BBOF1: variants seen among roughly 807,000 people sequenced by gnomAD.
The protein encoded by BBOF1 is basal body orientation factor 1.
In BBOF1, 62 loss-of-function variants were observed where a neutral mutation model predicts 68.0. That is an observed-to-expected ratio of 0.91 (90% confidence interval 0.74 to 1.13). The LOEUF is 1.13. BBOF1 is among the 50% of genes most tolerant of loss of function. The pLI, the probability that BBOF1 is intolerant of heterozygous loss-of-function variation, is 0.00. For missense variants in BBOF1, 534 were observed against 600.1 expected, an observed-to-expected ratio of 0.89 and a Z score of 1.15; for synonymous variants, 208 against 198.8, an observed-to-expected ratio of 1.05 and a Z score of -0.39.
Position 74,047,947 on chromosome 14 carries a change from G to A in BBOF1, c.665G>A (p.Gly222Glu). 1 of 1,608,596 alleles carries A rather than the reference G, an allele frequency of 6.2e-7. No homozygotes were observed. The highest frequency in any genetic ancestry group is 1.1e-5 in the South Asian group (1 of 89,458). Reference protein sequence around the residue: ...HEAIVQLNDAGRNVFKENDYL... With the variant: ...HEAIVQLNDAERNVFKENDYL... The stretch of plus-strand genomic sequence containing the variant: ...TATTTCAGGCAATTGAACGATGCTG[G>A]AAGAAATGTTTTTAAAGAGAATGAT... The change falls in exon 7 of 12, where the codon GGA (glycine) becomes GAA (glutamate). Residue 222 changes from glycine to glutamate, a missense_variant. Gly to Glu is a moderately conservative substitution (Grantham distance 98, BLOSUM62 -2). Transcript: ENST00000394009.
At chr14:74,050,675 G>A (rs891098341) in intron 8 of BBOF1, among the ~76,000 whole-genome samples, 6 of 151,856 alleles carry the variant, frequency 4.0e-5, no homozygotes, top group African/African-American at 9.7e-5. Flanking sequence ...AATTACAGGC[G>A]TGAGCCACTG....
At chr14:74,037,439 C>T (rs141477209) in intron 4 of BBOF1, among the ~76,000 whole-genome samples, 2,007 of 150,466 alleles carry the variant, frequency 0.013, 46 homozygotes, top group African/African-American at 0.045. Flanking sequence ...ACTACAGGCA[C>T]GCACCATCAC....
intron 10 of BBOF1, among the ~76,000 whole-genome samples, chr14:74,079,285 T>C (rs2060646155): frequency 6.6e-6 from 1 of 151,148 alleles, no homozygotes; most frequent in African/African-American, 2.5e-5. Flanking sequence ...GAGACCTGCC[T>C]GCACTCAATG....
intron 9 of BBOF1, chr14:74,078,095 T>C (rs1470654633): frequency 2.3e-6 from 1 of 425,944 alleles, no homozygotes; most frequent in Non-Finnish European, 4.7e-6. Context: ...CACTTATTGT[T>C]TATTTTCACT....
At chr14:74,052,095 TTC>T (rs905348520) in intron 8 of BBOF1, among the ~76,000 whole-genome samples, 5 of 151,960 alleles carry the variant, frequency 3.3e-5, no homozygotes, top group African/African-American at 9.7e-5. Context: ...TTGCTGTAAT[TTC>T]TCTTTTTTAT....
chr14:74,045,837 T>C (rs2059936642), intron 5 of BBOF1, among the ~76,000 whole-genome samples: 1 of 152,166 alleles, frequency 6.6e-6, no homozygotes, highest in Admixed American at 6.6e-5. Context: ...TTTTCTCCCC[T>C]ATTTATATGT....
intron 5 of BBOF1, among the ~76,000 whole-genome samples, chr14:74,040,971 G>A (rs17095467): frequency 0.01 from 1,574 of 152,130 alleles, 32 homozygotes; most frequent in African/African-American, 0.036. Flanking sequence ...AATCACTCTC[G>A]TATGTGTGCA....
In BBOF1 at chr14:74,019,408, C is replaced by T. The variant is rs1456007817; in HGVS notation, c.-71C>T. On this transcript the variant is annotated 5_prime_UTR_variant, in exon 1 of 12. Transcript: ENST00000394009. ...ATTGCCAGCTCGGCGTCCCGGTTCCCTTGGAGACAGAGCTGGCCAGGGCGG... is the reference window on the plus strand; with the variant it reads ...ATTGCCAGCTCGGCGTCCCGGTTCCTTTGGAGACAGAGCTGGCCAGGGCGG... 4.5e-6 allele frequency: 7 copies of T among 1,547,712 alleles called. No homozygotes were observed. The Admixed American group carries it at 7.9e-5, about 17-fold the overall frequency.
intron 9 of BBOF1, chr14:74,071,745 C>T (rs2060552137): frequency 1.4e-6 from 2 of 1,439,566 alleles, no homozygotes; most frequent in African/African-American, 2.8e-5. Context: ...CTTAGGGATA[C>T]TGAATACTGC....
At chr14:74,035,563 G>A (rs1002522346) in intron 4 of BBOF1, among the ~76,000 whole-genome samples, 10 of 144,448 alleles carry the variant, frequency 6.9e-5, no homozygotes, top group African/African-American at 1.1e-4. Flanking sequence ...GATTACAGGC[G>A]TGCACCACCA....
At position 74,065,654 on chromosome 14, in the gene BBOF1, G is replaced by A; in HGVS notation, c.*955G>A. ...ATCATCAGCTGCCTTTTTAATACCT[G>A]AACGACTAGTTTCATCCAATTGTTA... On this transcript the variant is annotated 3_prime_UTR_variant, in exon 12 of 12. Transcript: ENST00000394009. The A allele has an allele frequency of 5.8e-6, 2 of 347,268 alleles. No homozygotes were observed. Among genetic ancestry groups the A allele is most frequent in the Admixed American group, 4.4e-5 (1 of 22,734 alleles). 21.5% of individuals were successfully genotyped at this position (347,268 alleles called of 1,614,324 possible).
chr14:74,040,729 C>G (rs1301440989), intron 5 of BBOF1, 84 bp downstream of exon 5: 36 of 754,684 alleles, frequency 4.8e-5, no homozygotes, highest in Non-Finnish European at 5.7e-5. Context: ...ATCAGCCTTC[C>G]ATTTGGTATC....
intron 10 of BBOF1, among the ~76,000 whole-genome samples, chr14:74,078,838 T>C (rs368405590): frequency 2.0e-5 from 3 of 151,920 alleles, no homozygotes; most frequent in East Asian, 3.9e-4. Flanking sequence ...CACATTTTTG[T>C]ATTTTTAGTA....
At chr14:74,069,850 C>CT (rs779619553), downstream of BBOF1, among the ~76,000 whole-genome samples, 6,553 of 122,446 alleles carry the variant, frequency 0.054, 699 homozygotes, top group African/African-American at 0.16. Context: ...CTAATCTAAC[C>CT]TTTTTTTTTT....
At chr14:74,066,826 C>G, downstream of BBOF1, 1 of 1,614,064 alleles carries the variant, frequency 6.2e-7, no homozygotes, top group Non-Finnish European at 8.5e-7. Context: ...AATCAGATTA[C>G]AGACTCGCTC....
At chr14:74,030,976 A>G (rs1013457072) in intron 3 of BBOF1, among the ~76,000 whole-genome samples, 35 of 151,394 alleles carry the variant, frequency 2.3e-4, no homozygotes, top group Admixed American at 1.3e-4. Flanking sequence ...GATTTTATAT[A>G]TATAGGTTAT....
At chr14:74,078,141 A>G (rs980356198) in intron 9 of BBOF1, 7 of 450,520 alleles carry the variant, frequency 1.6e-5, no homozygotes, top group Non-Finnish European at 2.2e-5. Flanking sequence ...AAAACTCCCA[A>G]TTCTACTAAT....
At chr14:74,081,732 C>T (rs1276585866) in intron 12 of BBOF1, among the ~76,000 whole-genome samples, 2 of 152,164 alleles carry the variant, frequency 1.3e-5, no homozygotes, top group African/African-American at 4.8e-5. Flanking sequence ...CCAGATACTC[C>T]TATTGTTTAT....
In BBOF1 at chr14:74,056,992, CTT is replaced by C. The variant is rs755151779; in HGVS notation, c.1463+13_1463+14del. ...ACAAAGGAATTTGGGTAAGAGCTCT[CTT>C]GCTTAAGTAATAAACATGAGCCCAA... On this transcript the variant is annotated intron_variant, in intron 10 of 11. Coordinates refer to ENST00000394009, the MANE Select transcript of BBOF1 (RefSeq NM_025057.3). The C allele has an allele frequency of 8.1e-6, 13 of 1,610,420 alleles. No homozygotes were observed. The highest frequency in any genetic ancestry group is 1.1e-5 in the Non-Finnish European group (13 of 1,177,676).
Sources: allele counts gnomAD v4.1 joint callset (sites outside exome capture counted in the v4.1 genomes callset), GRCh38; gene constraint gnomAD v4.1.1; transcripts MANE v1.5; gene names NCBI Gene and HGNC (gene_info 2026-07-23, HGNC 2026-07-21).